Variants in EHBP1 observed in about 807,000 individuals in gnomAD.
EHBP1 encodes the protein EH domain binding protein 1.
A neutral mutation model predicts 144.0 loss-of-function variants in EHBP1; 55 were observed. That is an observed-to-expected ratio of 0.38 (90% confidence interval 0.31 to 0.48). EHBP1 has a LOEUF of 0.48. Ranked by LOEUF, EHBP1 falls within the 20% of genes least tolerant of loss-of-function variation. The pLI is 0.98. For missense variants in EHBP1, 1,200 were observed against 1,364.2 expected (o/e 0.88, Z 1.90); for synonymous variants, 469 against 472.7 (o/e 0.99, Z 0.10).
At chr2:62,950,037 G>A (rs1361164359) in intron 13 of EHBP1, among the ~76,000 whole-genome samples, 1 of 151,930 alleles carries the variant, frequency 6.6e-6, no homozygotes, top group South Asian at 2.1e-4. Flanking sequence ...GGAAATTTTA[G>A]GCAAAATAAA....
chr2:62,764,843 G>T (rs1221823288), intron 4 of EHBP1, among the ~76,000 whole-genome samples: 11 of 152,104 alleles, frequency 7.2e-5, no homozygotes, highest in Admixed American at 6.5e-4. Flanking sequence ...GCAAAATGCT[G>T]GTTGTAAATT....
chr2:62,785,879 C>A (rs1389741640), intron 5 of EHBP1, among the ~76,000 whole-genome samples: 2 of 150,114 alleles, frequency 1.3e-5, no homozygotes, highest in African/African-American at 2.4e-5. Context: ...ACTTACGAAA[C>A]TTTTTTTTTT....
chr2:62,834,532 A>G (rs986316147), intron 7 of EHBP1, among the ~76,000 whole-genome samples: 2 of 152,240 alleles, frequency 1.3e-5, no homozygotes, highest in African/African-American at 4.8e-5. Context: ...ATTAAGGTAT[A>G]TATGTTGTTC....
intron 3 of EHBP1, among the ~76,000 whole-genome samples, chr2:62,748,566 G>A (rs2039374141): frequency 6.6e-6 from 1 of 152,014 alleles, no homozygotes; most frequent in African/African-American, 2.4e-5. Context: ...AGGTTGAGAT[G>A]AGAGGATTGC....
At chr2:62,929,252 T>C (rs1163872942) in intron 10 of EHBP1, among the ~76,000 whole-genome samples, 1 of 152,194 alleles carries the variant, frequency 6.6e-6, no homozygotes, top group Non-Finnish European at 1.5e-5. Context: ...ATTATCCTGA[T>C]ACCAAAGCCA....
chr2:62,773,446 A>AT (rs796469437), intron 5 of EHBP1, among the ~76,000 whole-genome samples: 7 of 151,296 alleles, frequency 4.6e-5, no homozygotes, highest in South Asian at 2.1e-4. Flanking sequence ...ATCTACCACA[A>AT]TTTTTTTTTC....
intron 2 of EHBP1, among the ~76,000 whole-genome samples, chr2:62,723,193 G>A (rs1395013344): frequency 6.6e-6 from 1 of 152,142 alleles, no homozygotes; most frequent in Non-Finnish European, 1.5e-5. Context: ...CACATATTTA[G>A]GATAATCAGG....
chr2:62,887,135 GC>G (rs2052000304), intron 10 of EHBP1, among the ~76,000 whole-genome samples: 1 of 151,974 alleles, frequency 6.6e-6, no homozygotes, highest in Non-Finnish European at 1.5e-5. Context: ...ACCATTTTCA[GC>G]CTAGGCTTAT....
intron 19 of EHBP1, among the ~76,000 whole-genome samples, chr2:63,032,856 T>C (rs956902457): frequency 4.6e-5 from 7 of 152,156 alleles, no homozygotes; most frequent in African/African-American, 1.7e-4. Flanking sequence ...TATGGCAGTT[T>C]TTCTTTTGCT....
chr2:62,910,319 G>C (rs1194870719), intron 10 of EHBP1, among the ~76,000 whole-genome samples: 1 of 152,106 alleles, frequency 6.6e-6, no homozygotes, highest in East Asian at 1.9e-4. Flanking sequence ...ATCCCACTGA[G>C]TTTGACTTTA....
chr2:62,799,129 T>C (rs1267670974), intron 5 of EHBP1, among the ~76,000 whole-genome samples: 1 of 152,054 alleles, frequency 6.6e-6, no homozygotes, highest in African/African-American at 2.4e-5. Context: ...GAAAGATGTA[T>C]GGTTAGAGTT....
At chr2:62,707,317 A>G in intron 2 of EHBP1, 22 bp downstream of exon 2, 2 of 1,584,484 alleles carry the variant, frequency 1.3e-6, no homozygotes, top group Non-Finnish European at 1.7e-6. Context: ...CTGGAGGTAG[A>G]TTTTGCTGTG....
At chr2:62,992,039 T>C (rs1289587899) in intron 16 of EHBP1, among the ~76,000 whole-genome samples, 1 of 152,146 alleles carries the variant, frequency 6.6e-6, no homozygotes, top group African/African-American at 2.4e-5. Context: ...ATACAATAGA[T>C]TGAAAAGGCT....
Position 62,807,385 on chromosome 2 carries a change from C to T in EHBP1, c.313-18702C>T, listed in dbSNP as rs185279520. 1.4e-4 allele frequency among the ~76,000 whole-genome samples: 21 copies of T among 152,180 alleles called. No homozygotes were observed. In the East Asian group the frequency reaches 3.9e-3, roughly 28 times the overall value. On this transcript the variant is annotated intron_variant, in intron 5 of 22. Transcript: ENST00000431489. Reference sequence around the variant, plus strand: ...CAACACGGAGAAACCCCCATCTCTACTAAAAATACAAAATTAGCTGGGTGC... The same window carrying T: ...CAACACGGAGAAACCCCCATCTCTATTAAAAATACAAAATTAGCTGGGTGC...
rs377423500 is a variant in EHBP1, at chr2:62,676,521, A to G, written c.-296+2438A>G. 5.3e-5 allele frequency among the ~76,000 whole-genome samples: 8 copies of G among 152,346 alleles called. No homozygotes were observed. The South Asian group carries it at 1.0e-3, about 20-fold the overall frequency. On this transcript the variant is annotated intron_variant, in intron 1 of 22. Transcript: ENST00000405015. ...CTGGGGGACTGTTTATTTGGTGTGA[A>G]TAAAGCCACGGGTTAGCCTGTGTCT... is the stretch of plus-strand genomic sequence containing the variant.
intron 1 of EHBP1, among the ~76,000 whole-genome samples, chr2:62,681,777 A>T (rs1231598683): frequency 6.6e-6 from 1 of 152,184 alleles, no homozygotes; most frequent in East Asian, 1.9e-4. Context: ...AGAAGTCCAG[A>T]AGTTAGGGAA....
At chr2:62,866,215 C>A (rs1241528964) in intron 9 of EHBP1, among the ~76,000 whole-genome samples, 1 of 152,226 alleles carries the variant, frequency 6.6e-6, no homozygotes, top group Non-Finnish European at 1.5e-5. Context: ...CCTAACAAAG[C>A]TTAAAGGCAA....
rs760286995 is a variant in EHBP1, at chr2:62,744,204, C to T, written c.105-3191C>T. Among the ~76,000 whole-genome samples, 40 of 152,082 alleles carry T rather than the reference C, an allele frequency of 2.6e-4. No homozygotes were observed. The Middle Eastern group carries it at 0.027, about 103-fold the overall frequency. On this transcript the variant is annotated intron_variant, in intron 2 of 22. Transcript: ENST00000431489. ...AAAATGTGTATCATATATAGGGTTA[C>T]CTACTAACTAAACTGAAGTGATGGG...
intron 19 of EHBP1, among the ~76,000 whole-genome samples, chr2:62,997,813 A>T (rs2059702820): frequency 6.6e-6 from 1 of 152,172 alleles, no homozygotes; most frequent in African/African-American, 2.4e-5. Flanking sequence ...CTTAGGCTTT[A>T]TCTGGGACAG....
Sources: allele counts gnomAD v4.1 joint callset (sites outside exome capture counted in the v4.1 genomes callset), GRCh38; gene constraint gnomAD v4.1.1; transcripts MANE v1.5; gene names NCBI Gene and HGNC (gene_info 2026-07-23, HGNC 2026-07-21).